Variants in ASTN2 observed in about 807,000 individuals in gnomAD.
ASTN2 encodes astrotactin 2, also known as astrotactin-2.
ASTN2 carries 54 observed loss-of-function variants against 139.8 expected under a neutral mutation model. The observed-to-expected ratio is 0.39, with a 90% CI of 0.31 to 0.48. The LOEUF (loss-of-function observed/expected upper bound fraction) is 0.48. ASTN2 is among the 20% of genes least tolerant of loss of function. The probability of loss-of-function intolerance (pLI) is 0.95; values close to 1 mark genes in which losing one functional copy is unlikely to be tolerated. For missense variants in ASTN2, 1,565 were observed against 1,725.1 expected, an observed-to-expected ratio of 0.91 and a Z score of 1.64; for synonymous variants, 756 against 719.5, an observed-to-expected ratio of 1.05 and a Z score of -0.81.
chr9:116,809,153 G>T (rs1172199160), intron 12 of ASTN2, among the ~76,000 whole-genome samples: 3 of 151,770 alleles, frequency 2.0e-5, no homozygotes, highest in African/African-American at 7.3e-5. Context: ...TGAAATTTGT[G>T]CAATGTTTAG....
In ASTN2 at chr9:116,424,399, T is replaced by C. The variant is rs1847251976; in HGVS notation, c.*1452A>G. The stretch of plus-strand genomic sequence containing the variant: ...GTTGACTATTTAGTCATATAAATAG[T>C]CATGGATGCTTCAAGGCAGCATCAA... On this transcript the variant is annotated 3_prime_UTR_variant, in exon 23 of 23. Coordinates refer to ENST00000313400, the MANE Select transcript of ASTN2 (RefSeq NM_001365068.1). Among the ~76,000 whole-genome samples, 1 of 152,116 alleles carries C rather than the reference T, an allele frequency of 6.6e-6. No individual in the cohort carries two copies. Among genetic ancestry groups the C allele is most frequent in the African/African-American group, 2.4e-5 (1 of 41,408 alleles).
chr9:116,920,822 A>C (rs1437462787), intron 10 of ASTN2, among the ~76,000 whole-genome samples: 3 of 152,222 alleles, frequency 2.0e-5, no homozygotes, highest in African/African-American at 7.2e-5. Context: ...AGGTTAAGTT[A>C]CCTGCTCAAG....
At chr9:116,489,787 T>A (rs149090483) in intron 19 of ASTN2, among the ~76,000 whole-genome samples, 6 of 152,308 alleles carry the variant, frequency 3.9e-5, no homozygotes, top group African/African-American at 1.4e-4. Context: ...ATAGAGCAGG[T>A]CTTGATGGGT....
intron 13 of ASTN2, among the ~76,000 whole-genome samples, chr9:116,750,392 G>A (rs1049612924): frequency 2.0e-5 from 3 of 152,112 alleles, no homozygotes; most frequent in Non-Finnish European, 4.4e-5. Flanking sequence ...GGTTGGGGTC[G>A]CATTTCTGAA....
chr9:117,191,866 C>G (rs1178661538), intron 3 of ASTN2, among the ~76,000 whole-genome samples: 1 of 152,056 alleles, frequency 6.6e-6, no homozygotes, highest in Admixed American at 6.6e-5. Context: ...TCAGAATGTG[C>G]AAGGGTCCCC....
Position 116,829,427 on chromosome 9 carries a change from A to C in ASTN2, c.2041-8644T>G, listed in dbSNP as rs574427648. ...GGTAAAATGATACTCCAGTTGTATT[A>C]GTCCGTTATCACACTACTATAAAGA... On this transcript the variant is annotated intron_variant, in intron 11 of 22. Coordinates refer to ENST00000313400, the MANE Select transcript of ASTN2 (RefSeq NM_001365068.1). Among the ~76,000 whole-genome samples the C allele has an allele frequency of 3.3e-4, 50 of 152,034 alleles. No homozygotes were observed. The South Asian group carries it at 9.8e-3, about 30-fold the overall frequency.
intron 2 of ASTN2, among the ~76,000 whole-genome samples, chr9:117,257,192 T>C (rs1833709897): frequency 6.6e-6 from 1 of 152,236 alleles, no homozygotes; most frequent in Admixed American, 6.5e-5. Flanking sequence ...AAGAAAATGC[T>C]GGTCCTGATT....
At chr9:117,201,773 TTAG>T (rs1218294079) in intron 3 of ASTN2, among the ~76,000 whole-genome samples, 1 of 152,180 alleles carries the variant, frequency 6.6e-6, no homozygotes, top group African/African-American at 2.4e-5. Flanking sequence ...GTGGTTGATT[TTAG>T]AATAAGTGTC....
chr9:117,023,283 A>G (rs1172284803), intron 6 of ASTN2, among the ~76,000 whole-genome samples: 4 of 152,132 alleles, frequency 2.6e-5, no homozygotes, highest in Non-Finnish European at 5.9e-5. Context: ...TCACTTCTAC[A>G]ACTCATCACC....
In ASTN2 at chr9:116,971,873, G is replaced by C. The variant is rs1836218285; in HGVS notation, c.1889+3335C>G. The stretch of plus-strand genomic sequence containing the variant: ...ATTTTTATTTCCATTATTCTGAAGG[G>C]GAAACCACAACTCCAGAAAAACTCC... On this transcript the variant is annotated intron_variant, in intron 10 of 22. Coordinates refer to ENST00000313400, the MANE Select transcript of ASTN2 (RefSeq NM_001365068.1). 5.3e-5 allele frequency among the ~76,000 whole-genome samples: 8 copies of C among 152,114 alleles called. 1 individual carries two copies. In the Middle Eastern group the frequency reaches 0.024, roughly 453 times the overall value.
intron 17 of ASTN2, among the ~76,000 whole-genome samples, chr9:116,638,299 A>G (rs957098193): frequency 1.3e-5 from 2 of 152,224 alleles, no homozygotes; most frequent in African/African-American, 4.8e-5. Flanking sequence ...GCAATACAGT[A>G]TTCTCAGATA....
intron 3 of ASTN2, among the ~76,000 whole-genome samples, chr9:117,171,511 C>T (rs1180697075): frequency 6.6e-6 from 1 of 152,138 alleles, no homozygotes; most frequent in Non-Finnish European, 1.5e-5. Flanking sequence ...TATGGTTTGG[C>T]TGTGTCCCCA....
At chr9:116,703,752 T>C (rs1316656527) in intron 16 of ASTN2, among the ~76,000 whole-genome samples, 1 of 150,312 alleles carries the variant, frequency 6.7e-6, no homozygotes, top group Non-Finnish European at 1.5e-5. Context: ...AGTGCAGTGT[T>C]ACTCTACTCT....
intron 2 of ASTN2, among the ~76,000 whole-genome samples, chr9:117,225,571 A>ATC: frequency 8.1e-6 from 1 of 122,822 alleles, no homozygotes; most frequent in African/African-American, 3.2e-5. Flanking sequence ...ATATATATAT[A>ATC]TATACAGATG....
chr9:117,300,025 A>G (rs1361349860), intron 1 of ASTN2, among the ~76,000 whole-genome samples: 1 of 152,216 alleles, frequency 6.6e-6, no homozygotes, highest in African/African-American at 2.4e-5. Context: ...CTGAGAGAAA[A>G]TAAGGCCATA....
intron 19 of ASTN2, among the ~76,000 whole-genome samples, chr9:116,559,531 G>C (rs923959848): frequency 6.6e-6 from 1 of 152,144 alleles, no homozygotes; most frequent in Non-Finnish European, 1.5e-5. Flanking sequence ...ATGTCTAACT[G>C]CAGAAGTAGG....
rs146787264 is a variant in ASTN2 at position 117,269,175 on chromosome 9, A to C, written c.630+22151T>G. Among the ~76,000 whole-genome samples, 253 of 152,322 alleles carry C rather than the reference A, an allele frequency of 1.7e-3. 1 individual carries two copies. The highest frequency in any genetic ancestry group is 3.7e-3 in the Admixed American group (57 of 15,302). On this transcript the variant is annotated intron_variant, in intron 2 of 22. Coordinates refer to ENST00000313400, the MANE Select transcript of ASTN2 (RefSeq NM_001365068.1). ...GTTTCATTATGGAGGCCAAATTAAG[A>C]ATCCAAGGTGCTTACATTTCAGCAA...
intron 5 of ASTN2, among the ~76,000 whole-genome samples, chr9:117,056,713 A>G (rs114127097): frequency 0.013 from 1,964 of 152,324 alleles, 42 homozygotes; most frequent in African/African-American, 0.044. Flanking sequence ...ATGTTCACAC[A>G]TCAACCCTGG....
intron 7 of ASTN2, among the ~76,000 whole-genome samples, chr9:116,983,632 G>A (rs1276867727): frequency 6.6e-6 from 1 of 152,244 alleles, no homozygotes; most frequent in African/African-American, 2.4e-5. Context: ...CTTCTTTGCA[G>A]TGGTTAATTG....
Sources: gnomAD v4.1 joint callset for allele counts (sites outside exome capture counted in the v4.1 genomes callset) on GRCh38, gnomAD v4.1.1 for gene constraint, MANE v1.5 for transcripts, NCBI Gene and HGNC (gene_info 2026-07-23, HGNC 2026-07-21) for gene names.